The following SNTB1 variants were observed in gnomAD, a reference collection of about 807,000 sequenced individuals.
SNTB1 encodes syntrophin beta 1.
A neutral mutation model predicts 48.9 loss-of-function variants in SNTB1; 36 were observed. The observed-to-expected ratio is 0.74, with a 90% CI of 0.56 to 0.97. SNTB1 has a LOEUF of 0.97. Among genes scored for constraint, SNTB1 ranks in the 50% least tolerant of loss-of-function variants. The pLI is 0.00. For missense variants in SNTB1, 786 were observed against 703.4 expected, an observed-to-expected ratio of 1.12 and a Z score of -1.33; for synonymous variants, 299 against 294.6, an observed-to-expected ratio of 1.01 and a Z score of -0.15.
chr8:120,760,988 A>G (rs1819409636), intron 1 of SNTB1, among the ~76,000 whole-genome samples: 1 of 152,236 alleles, frequency 6.6e-6, no homozygotes, highest in Non-Finnish European at 1.5e-5. Context: ...TCTTAAAACT[A>G]TAAAGAACAC....
intron 2 of SNTB1, among the ~76,000 whole-genome samples, chr8:120,682,357 A>C (rs1169943271): frequency 6.6e-6 from 1 of 152,030 alleles, no homozygotes; most frequent in Non-Finnish European, 1.5e-5. Context: ...TATGAGATCT[A>C]TTTTGTTAGG....
At position 120,537,708 on chromosome 8, in the gene SNTB1, A is replaced by G; in HGVS notation, c.*1169T>C. The G allele has an allele frequency of 6.6e-6, 1 of 152,236 alleles. No homozygotes were observed. The highest frequency in any genetic ancestry group is 1.5e-5 in the Non-Finnish European group (1 of 68,036). 9.4% of individuals were successfully genotyped at this position (152,236 alleles called of 1,614,324 possible). Reference sequence around the variant, plus strand: ...ATTTTTAGTGAATTTGTTTTGAAAGATAAAAGTAAAAGCATTAAATCAGTA... The same window carrying G: ...ATTTTTAGTGAATTTGTTTTGAAAGGTAAAAGTAAAAGCATTAAATCAGTA... On this transcript the variant is annotated 3_prime_UTR_variant, in exon 7 of 7. Transcript: ENST00000517992.
At chr8:120,636,113 G>A (rs1817071626) in intron 2 of SNTB1, 1 of 290,052 alleles carries the variant, frequency 3.4e-6, no homozygotes. Flanking sequence ...GAGAAGTCCA[G>A]TGTTGAGGGG....
intron 3 of SNTB1, among the ~76,000 whole-genome samples, chr8:120,629,947 A>C (rs1268916020): frequency 6.6e-6 from 1 of 152,256 alleles, no homozygotes; most frequent in Non-Finnish European, 1.5e-5. Context: ...AATTTGGGAT[A>C]AGCAAAAGGC....
chr8:120,687,235 A>G (rs1330729107), intron 2 of SNTB1, among the ~76,000 whole-genome samples: 1 of 152,246 alleles, frequency 6.6e-6, no homozygotes, highest in Non-Finnish European at 1.5e-5. Flanking sequence ...ATGAATGTGT[A>G]ACTAAAGTAT....
intron 2 of SNTB1, among the ~76,000 whole-genome samples, chr8:120,647,266 A>T (rs1817313700): frequency 8.2e-6 from 1 of 121,586 alleles, no homozygotes; most frequent in Non-Finnish European, 1.8e-5. Flanking sequence ...TTAGGGTGTC[A>T]ATTTTGGATC....
chr8:120,648,991 T>C (rs1214384455), intron 2 of SNTB1, among the ~76,000 whole-genome samples: 3 of 150,198 alleles, frequency 2.0e-5, no homozygotes, highest in Non-Finnish European at 4.5e-5. Context: ...CTTCACGTAG[T>C]TCTCGAGCCT....
chr8:120,567,212 T>C (rs772274145), intron 4 of SNTB1, among the ~76,000 whole-genome samples: 3 of 152,166 alleles, frequency 2.0e-5, no homozygotes, highest in Non-Finnish European at 2.9e-5. Context: ...CTGATGTTTG[T>C]TAAAAGCACA....
intron 1 of SNTB1, among the ~76,000 whole-genome samples, chr8:120,711,326 C>T (rs542510626): frequency 7.6e-6 from 1 of 131,796 alleles, no homozygotes; most frequent in African/African-American, 3.0e-5. Flanking sequence ...TTTAAAAAAT[C>T]ATTAAAAAAA....
chr8:120,543,848 T>G lies in SNTB1; in HGVS notation c.1334-1848A>C, dbSNP rs573468231. Among the ~76,000 whole-genome samples, 5 of 152,338 alleles carry G rather than the reference T, an allele frequency of 3.3e-5. No individual in the cohort carries two copies. The South Asian group carries it at 1.0e-3, about 32-fold the overall frequency. On this transcript the variant is annotated intron_variant, in intron 5 of 6. Coordinates refer to ENST00000517992, the MANE Select transcript of SNTB1 (RefSeq NM_021021.4). ...CATCTAACAGGTCTATAACTCCTTC[T>G]GCGCACAGTCCCTGAACCCTGCCCT...
At chr8:120,766,221 C>T (rs1413056689) in intron 1 of SNTB1, among the ~76,000 whole-genome samples, 1 of 152,098 alleles carries the variant, frequency 6.6e-6, no homozygotes, top group Non-Finnish European at 1.5e-5. Flanking sequence ...TACATTTCCT[C>T]ACTTAATCCT....
At chr8:120,593,446 T>A (rs1816275986) in intron 3 of SNTB1, among the ~76,000 whole-genome samples, 1 of 152,208 alleles carries the variant, frequency 6.6e-6, no homozygotes, top group African/African-American at 2.4e-5. Flanking sequence ...ATATCCTGTG[T>A]CACTCCATCC....
At chr8:120,602,527 CTT>C (rs1312064432) in intron 3 of SNTB1, among the ~76,000 whole-genome samples, 2 of 152,174 alleles carry the variant, frequency 1.3e-5, no homozygotes, top group Non-Finnish European at 2.9e-5. Flanking sequence ...GGACTCAAGA[CTT>C]TAACTTCATC....
intron 3 of SNTB1, among the ~76,000 whole-genome samples, chr8:120,608,918 T>TA (rs1816570525): frequency 6.6e-6 from 1 of 152,138 alleles, no homozygotes; most frequent in African/African-American, 2.4e-5. Flanking sequence ...AATGGATTTT[T>TA]AAAAAAGTAA....
chr8:120,623,992 C>A (rs1246601159), intron 3 of SNTB1, among the ~76,000 whole-genome samples: 1 of 152,116 alleles, frequency 6.6e-6, no homozygotes, highest in Non-Finnish European at 1.5e-5. Context: ...GGCTGGAGTG[C>A]AGTGGTGCAA....
At chr8:120,804,079 A>C (rs1245626676) in intron 1 of SNTB1, among the ~76,000 whole-genome samples, 2 of 152,126 alleles carry the variant, frequency 1.3e-5, no homozygotes, top group East Asian at 3.9e-4. Flanking sequence ...TCATTATACC[A>C]TGTCTAATGT....
intron 3 of SNTB1, among the ~76,000 whole-genome samples, chr8:120,587,460 T>C (rs1286258305): frequency 6.6e-6 from 1 of 152,216 alleles, no homozygotes; most frequent in African/African-American, 2.4e-5. Flanking sequence ...AAAATCAGCC[T>C]CTGGAAATTC....
intron 1 of SNTB1, among the ~76,000 whole-genome samples, chr8:120,801,821 C>T (rs1820230881): frequency 1.3e-5 from 2 of 152,112 alleles, no homozygotes; most frequent in African/African-American, 2.4e-5. Flanking sequence ...AATTATCTAT[C>T]TAAACTTTTT....
chr8:120,754,063 A>G (rs1312898830), intron 1 of SNTB1, among the ~76,000 whole-genome samples: 1 of 152,170 alleles, frequency 6.6e-6, no homozygotes, highest in Non-Finnish European at 1.5e-5. Flanking sequence ...GAAATTTCCC[A>G]AAGTCTTCTA....
Sources: gnomAD v4.1 joint callset for allele counts (sites outside exome capture counted in the v4.1 genomes callset) on GRCh38, gnomAD v4.1.1 for gene constraint, MANE v1.5 for transcripts, NCBI Gene and HGNC (gene_info 2026-07-23, HGNC 2026-07-21) for gene names.